CDH11: variants seen among roughly 807,000 people sequenced by gnomAD.
CDH11 encodes the protein cadherin-11.
Under a neutral mutation model 67.8 loss-of-function variants are expected in CDH11, and 11 were observed. That is an observed-to-expected ratio of 0.16 (90% CI 0.10 to 0.27). The LOEUF is 0.27. CDH11 is among the 10% of genes least tolerant of loss of function. The pLI is 1.00. For missense variants in CDH11, 847 were observed against 1,031.2 expected (o/e 0.82, Z 2.45); for synonymous variants, 419 against 400.0 (o/e 1.05, Z -0.57).
chr16:65,063,871 G>T (rs1023738644), intron 1 of CDH11, among the ~76,000 whole-genome samples: 7 of 152,156 alleles, frequency 4.6e-5, no homozygotes, highest in African/African-American at 1.7e-4. Flanking sequence ...CTTTGTAATT[G>T]GAATAATCAG....
chr16:65,105,963 A>G (rs967345552), intron 1 of CDH11, among the ~76,000 whole-genome samples: 4 of 152,186 alleles, frequency 2.6e-5, no homozygotes, highest in African/African-American at 7.2e-5. Context: ...TGTTTTCACA[A>G]CTGTTCCTTG....
chr16:65,049,748 T>C (rs1013590514), intron 2 of CDH11, among the ~76,000 whole-genome samples: 30 of 152,278 alleles, frequency 2.0e-4, no homozygotes, highest in Middle Eastern at 3.4e-3. Flanking sequence ...ATTGTACACA[T>C]TGAAGAGCTA....
chr16:64,972,763 C>A lies in CDH11; in HGVS notation c.1390+141G>T, dbSNP rs903332980. On this transcript the variant is annotated intron_variant, in intron 9 of 12. Transcript: ENST00000268603. ...CTATATGTACTCCTAGAAAGATAAC[C>A]GAAAACACATTTTAAAGACTGAAAA... The A allele has an allele frequency of 5.1e-6, 4 of 784,104 alleles. No individual in the cohort carries two copies. The African/African-American group carries it at 7.0e-5, about 14-fold the overall frequency. The allele number at this position is 784,104 out of a possible 1,614,324, so 48.6% of individuals were successfully genotyped here. A position where few individuals can be genotyped will look rare whatever the true frequency, so the allele number is the denominator to read the frequency against.
intron 2 of CDH11, among the ~76,000 whole-genome samples, chr16:65,017,413 G>C (rs542475227): frequency 6.6e-6 from 1 of 152,204 alleles, no homozygotes; most frequent in East Asian, 1.9e-4. Flanking sequence ...CTAACTATTA[G>C]GGTCTCTTTT....
chr16:65,100,046 T>C (rs2074964331), intron 1 of CDH11, among the ~76,000 whole-genome samples: 2 of 152,116 alleles, frequency 1.3e-5, no homozygotes, highest in Admixed American at 6.5e-5. Flanking sequence ...ATAGACATTA[T>C]GAAAGAAATA....
chr16:64,974,351 G>A (rs1467391256), intron 8 of CDH11, among the ~76,000 whole-genome samples: 1 of 152,218 alleles, frequency 6.6e-6, no homozygotes, highest in Non-Finnish European at 1.5e-5. Flanking sequence ...AAATGAGTAT[G>A]TCAGAAGGCA....
chr16:65,073,537 C>T (rs1055753971), intron 1 of CDH11, among the ~76,000 whole-genome samples: 2 of 152,332 alleles, frequency 1.3e-5, no homozygotes, highest in East Asian at 1.9e-4. Flanking sequence ...CTGCCTTGGC[C>T]TCTCGAAGTG....
intron 1 of CDH11, among the ~76,000 whole-genome samples, chr16:65,116,890 C>T (rs886369829): frequency 6.6e-6 from 1 of 152,096 alleles, no homozygotes; most frequent in East Asian, 1.9e-4. Flanking sequence ...CTTAATATCC[C>T]GATGTACCAG....
chr16:64,987,831 T>C (rs904177667), intron 7 of CDH11: 2 of 204,736 alleles, frequency 9.8e-6, no homozygotes, highest in African/African-American at 4.6e-5. Context: ...ATTCCATGCA[T>C]GCTCAGGGCT....
chr16:64,947,563 G>C lies in CDH11; in HGVS notation c.*40C>G. ...ACACATCTTCTAGATTCTTGAGAAC[G>C]CCAGACACAGTTCTTAAGGCCAAAT... On this transcript the variant is annotated 3_prime_UTR_variant, in exon 13 of 13. Transcript: ENST00000268603. 6.4e-7 allele frequency: 1 copy of C among 1,572,328 alleles called. No individual in the cohort carries two copies.
rs914393952 is a variant in CDH11 at position 64,945,226 on chromosome 16, T to C, written c.*2377A>G. The C allele has an allele frequency of 4.6e-5, 11 of 238,498 alleles. No individual in the cohort carries two copies. The highest frequency in any genetic ancestry group is 4.2e-4 in the Admixed American group (7 of 16,582). The allele number at this position is 238,498 out of a possible 1,614,324, so 14.8% of individuals were successfully genotyped here. On this transcript the variant is annotated 3_prime_UTR_variant, in exon 13 of 13. Transcript: ENST00000268603. ...TCCAAATGAAAAAGGACTCCACTAG[T>C]TGGGAAAGACATTTTATTTCCAAGT...
intron 2 of CDH11, among the ~76,000 whole-genome samples, chr16:65,019,621 C>G (rs2073381734): frequency 6.6e-6 from 1 of 152,046 alleles, no homozygotes; most frequent in African/African-American, 2.4e-5. Flanking sequence ...TTCCACAAAC[C>G]TTTTATAACA....
chr16:64,968,731 AAG>A (rs2071904944), intron 11 of CDH11, among the ~76,000 whole-genome samples: 1 of 152,246 alleles, frequency 6.6e-6, no homozygotes, highest in African/African-American at 2.4e-5. Context: ...CTCAAGGAGA[AAG>A]AGACTTGATG....
At chr16:65,017,842 TA>T (rs1203727062) in intron 2 of CDH11, among the ~76,000 whole-genome samples, 1 of 152,084 alleles carries the variant, frequency 6.6e-6, no homozygotes, top group African/African-American at 2.4e-5. Flanking sequence ...TCCAAAACAA[TA>T]GACCAGACCA....
intron 2 of CDH11, among the ~76,000 whole-genome samples, chr16:65,009,245 A>G (rs1208271274): frequency 6.6e-6 from 1 of 152,198 alleles, no homozygotes; most frequent in African/African-American, 2.4e-5. Flanking sequence ...AAAAAAAATT[A>G]TCCAAACCAA....
intron 3 of CDH11, among the ~76,000 whole-genome samples, chr16:64,999,504 G>A (rs184608711): frequency 6.6e-6 from 1 of 152,038 alleles, no homozygotes; most frequent in East Asian, 1.9e-4. Flanking sequence ...CTGTATGGAG[G>A]TTATTATTTT....
rs1258063584 is a variant in CDH11 at position 65,004,930 on chromosome 16, T to C, written c.-61A>G. On this transcript the variant is annotated 5_prime_UTR_variant, in exon 3 of 13. Transcript: ENST00000268603. ...GTCACCCCTTCCACCAACTGTACGG[T>C]GGTCTTGCTGAGGGTGGCCTCCCGG... The C allele has an allele frequency of 6.9e-7, 1 of 1,451,052 alleles. No homozygotes were observed. The highest frequency in any genetic ancestry group is 1.4e-5 in the African/African-American group (1 of 69,714). 89.9% of individuals were successfully genotyped at this position (1,451,052 alleles called of 1,614,324 possible). A position where few individuals can be genotyped will look rare whatever the true frequency, so the allele number is the denominator to read the frequency against.
intron 7 of CDH11, among the ~76,000 whole-genome samples, chr16:64,984,132 C>G (rs2072424596): frequency 6.6e-6 from 1 of 152,166 alleles, no homozygotes; most frequent in East Asian, 1.9e-4. Flanking sequence ...CAGTTCAAGC[C>G]TCATTGCCTT....
At chr16:65,076,196 C>G (rs547997359) in intron 1 of CDH11, among the ~76,000 whole-genome samples, 1 of 152,282 alleles carries the variant, frequency 6.6e-6, no homozygotes, top group Non-Finnish European at 1.5e-5. Context: ...TTGTTAAACT[C>G]AAATTTCATT....
Sources: allele counts gnomAD v4.1 joint callset (sites outside exome capture counted in the v4.1 genomes callset), GRCh38; gene constraint gnomAD v4.1.1; transcripts MANE v1.5; gene names NCBI Gene and HGNC (gene_info 2026-07-23, HGNC 2026-07-21).